ADAD2: variants seen among roughly 807,000 people sequenced by gnomAD.
The protein encoded by ADAD2 is adenosine deaminase domain containing 2.
ADAD2 carries 60 observed loss-of-function variants against 54.5 expected under a neutral mutation model. The observed-to-expected ratio is 1.10, with a 90% CI of 0.89 to 1.36. ADAD2 has a LOEUF of 1.36. Ranked by LOEUF, ADAD2 falls within the 40% of genes most tolerant of loss-of-function variation. The pLI is 0.00. For synonymous variants in ADAD2, 543 were observed against 366.2 expected, an observed-to-expected ratio of 1.48 and a Z score of -5.51; for missense variants, 1,103 against 801.3, an observed-to-expected ratio of 1.38 and a Z score of -4.54.
At position 84,196,151 on chromosome 16, in the gene ADAD2, C is replaced by A. The variant is rs957557640; in HGVS notation, c.1307C>A (p.Thr436Asn). Reference sequence around the variant, plus strand: ...GCTGACTCATGCCACGACCCTCCGACTCTGAGCAGGGCCATCCACACCCGG... The same window carrying A: ...GCTGACTCATGCCACGACCCTCCGAATCTGAGCAGGGCCATCCACACCCGG... ...ILADSCHDPP[T>N]LSRAIHTRPC... is the part of the protein sequence containing the mutation. Residue 436 changes from threonine to asparagine, a missense_variant, in exon 8 of 10, where the codon ACT becomes AAT. Physicochemically the swap from Thr to Asn is moderately conservative, Grantham distance 65. Coordinates refer to ENST00000315906, the MANE Select transcript of ADAD2 (RefSeq NM_001145400.2). 2 of 1,604,942 alleles carry A rather than the reference C, an allele frequency of 1.2e-6. No individual in the cohort carries two copies. Among genetic ancestry groups the A allele is most frequent in the African/African-American group, 2.7e-5 (2 of 74,850 alleles).
chr16:84,191,407 C>G lies in ADAD2; in HGVS notation c.177C>G (p.Pro59=), dbSNP rs1392843556. Residue 59 remains proline, a synonymous_variant, in exon 1 of 10, where the codon CCC becomes CCG. Transcript: ENST00000315906. The stretch of plus-strand genomic sequence containing the variant: ...CGTATCGCGCGGAGGGCGGGTGGCC[C>G]CAGGTCTCGGTGTTGAGGGACAGTG... ...PATYRAEGGW[P]QVSVLRDSGP... 8.0e-6 allele frequency: 12 copies of G among 1,494,782 alleles called. No homozygotes were observed. The highest frequency in any genetic ancestry group is 1.1e-5 in the Non-Finnish European group (12 of 1,125,922). 92.6% of individuals were successfully genotyped at this position (1,494,782 alleles called of 1,614,324 possible). A position where few individuals can be genotyped will look rare whatever the true frequency, so the allele number is the denominator to read the frequency against.
intron 1 of ADAD2, 190 bp downstream of exon 1, chr16:84,191,838 A>T: frequency 1.3e-6 from 1 of 799,282 alleles, no homozygotes; most frequent in Non-Finnish European, 2.1e-6. Flanking sequence ...ATCTCCAAGG[A>T]TCACCAGCCA....
chr16:84,191,876 A>T, intron 1 of ADAD2: 4 of 669,854 alleles, frequency 6.0e-6, no homozygotes, highest in Non-Finnish European at 1.1e-5. Flanking sequence ...TGAAAGAGTC[A>T]TGGCAGGTGA....
At chr16:84,191,908 C>T (rs1380438513) in intron 1 of ADAD2, 1 of 601,498 alleles carries the variant, frequency 1.7e-6, no homozygotes, top group Non-Finnish European at 3.0e-6. Context: ...ACCTGACTTC[C>T]AGGGAGGTTA....
chr16:84,194,561 C>A lies in ADAD2; in HGVS notation c.538C>A (p.Arg180=). 6.2e-7 allele frequency: 1 copy of A among 1,607,086 alleles called. No homozygotes were observed. The highest frequency in any genetic ancestry group is 1.3e-5 in the African/African-American group (1 of 74,908). Reference sequence around the variant, plus strand: ...AGCGCTCTCTGCCCTCTGCTACATCCGGAGTCAGCTGGAGAACCCAGGTAA... The same window carrying A: ...AGCGCTCTCTGCCCTCTGCTACATCAGGAGTCAGCTGGAGAACCCAGGTAA... The part of the protein sequence containing the change: ...QAALSALCYI[R]SQLENPESPQ... The change falls in exon 2 of 10, where the codon CGG becomes AGG. Residue 180 remains arginine, a synonymous_variant. Transcript: ENST00000315906.
Position 84,195,387 on chromosome 16 carries a change from C to G in ADAD2, c.825C>G (p.Phe275Leu). The G allele has an allele frequency of 6.2e-7, 1 of 1,608,876 alleles. No homozygotes were observed. Among genetic ancestry groups the G allele is most frequent in the East Asian group, 2.2e-5 (1 of 44,788 alleles). ...GSSCCAGWLE[F>L]SGQQLHDCHG... ...GCTGCTGTGCTGGCTGGCTGGAGTT[C>G]TCGGGCCAGCAGCTCCACGACTGCC... The change falls in exon 5 of 10, where the codon TTC (phenylalanine) becomes TTG (leucine). Residue 275 changes from phenylalanine (F) to leucine (L), a missense_variant. Physicochemically the swap from Phe to Leu is conservative, Grantham distance 22. Transcript: ENST00000315906.
rs754051500 is a variant in ADAD2 at position 84,195,845 on chromosome 16, G to T, written c.1083G>T (p.Pro361=). ...CCCCCACCTCGGAAGGTGGCCTCCC[G>T]CACAGCCCACCCATGCGCCTGCAGG... ...YLPPTSEGGL[P]HSPPMRLQAH... is the part of the protein sequence containing the mutation. The change falls in exon 7 of 10, where the codon CCG becomes CCT. Residue 361 remains proline (P), a synonymous_variant. Coordinates refer to ENST00000315906, the MANE Select transcript of ADAD2 (RefSeq NM_001145400.2). 5 of 1,606,700 alleles carry T rather than the reference G, an allele frequency of 3.1e-6. No homozygotes were observed. The highest frequency in any genetic ancestry group is 1.3e-5 in the African/African-American group (1 of 74,740).
At position 84,194,441 on chromosome 16, in the gene ADAD2, G is replaced by T; in HGVS notation, c.419-1G>T. 6.2e-7 allele frequency: 1 copy of T among 1,603,450 alleles called. No individual in the cohort carries two copies. The highest frequency in any genetic ancestry group is 1.7e-5 in the Admixed American group (1 of 59,764). On this transcript the variant is annotated splice_acceptor_variant, in intron 1 of 9. Transcript: ENST00000315906. LOFTEE classifies it high-confidence loss of function. ...GCTTCCTCACCTGGCTCCTTCCCCA[G>T]GTCCCTGCTTCCCCTTCTCGGTGAG...
In ADAD2 at chr16:84,196,900, C is replaced by G. The variant is rs745974652; in HGVS notation, c.1678C>G (p.Leu560Val). The change falls in exon 10 of 10, where the codon CTG becomes GTG. Residue 560 changes from leucine to valine, a missense_variant. By Grantham distance (32) the Leu-to-Val change is conservative. Coordinates refer to ENST00000315906, the MANE Select transcript of ADAD2 (RefSeq NM_001145400.2). Reference protein sequence around the residue: ...AGPYQEARRQLSLLLDQQGLG... With the variant: ...AGPYQEARRQVSLLLDQQGLG... The stretch of plus-strand genomic sequence containing the variant: ...GCCCTACCAGGAGGCTCGCAGGCAG[C>G]TGTCTCTCCTCCTGGACCAGCAGGG... 4.4e-6 allele frequency: 7 copies of G among 1,596,136 alleles called. No individual in the cohort carries two copies. In the African/African-American group the frequency reaches 9.4e-5, roughly 21 times the overall value.
Position 84,194,601 on chromosome 16 carries a change from G to A in ADAD2, c.559+19G>A, listed in dbSNP as rs1212294141. On this transcript the variant is annotated intron_variant, in intron 2 of 9. Transcript: ENST00000315906. ...AACCCAGGTAATGGAGGGAGGGCCA[G>A]GCAGCTGAGCCGCAGCTGGGGACAA... The A allele has an allele frequency of 1.3e-6, 2 of 1,592,928 alleles. No individual in the cohort carries two copies. Among genetic ancestry groups the A allele is most frequent in the Non-Finnish European group, 8.5e-7 (1 of 1,169,600 alleles).
At position 84,191,375 on chromosome 16, in the gene ADAD2, C is replaced by T; in HGVS notation, c.145C>T (p.Pro49Ser). 1 of 1,527,286 alleles carries T rather than the reference C, an allele frequency of 6.5e-7. No individual in the cohort carries two copies. Among genetic ancestry groups the T allele is most frequent in the Non-Finnish European group, 8.8e-7 (1 of 1,142,388 alleles). The allele number at this position is 1,527,286 out of a possible 1,614,324, so 94.6% of individuals were successfully genotyped here. A position where few individuals can be genotyped will look rare whatever the true frequency, so the allele number is the denominator to read the frequency against. The part of the protein sequence containing the change: ...AQSAWGPAPA[P>S]ATYRAEGGWP... ...AAGTGCCTGGGGGCCCGCGCCCGCG[C>T]CCGCGACGTATCGCGCGGAGGGCGG... The change falls in exon 1 of 10, where the codon CCC (proline) becomes TCC (serine). Residue 49 changes from proline (P) to serine (S), a missense_variant. Transcript: ENST00000315906.
In ADAD2 at chr16:84,196,198, G is replaced by T. The variant is rs759513459; in HGVS notation, c.1354G>T (p.Gly452Trp). ...HTRPCLDSVL[G>W]PCLPPPYVRT... Reference sequence around the variant, plus strand: ...CCGGCCCTGCCTGGACAGTGTCCTGGGGCCATGCCTGCCACCTCCCTACGT... The same window carrying T: ...CCGGCCCTGCCTGGACAGTGTCCTGTGGCCATGCCTGCCACCTCCCTACGT... The change falls in exon 8 of 10, where the codon GGG becomes TGG. Residue 452 changes from glycine (G) to tryptophan (W), a missense_variant. Physicochemically the swap from Gly to Trp is radical, Grantham distance 184 (BLOSUM62 -2). Coordinates refer to ENST00000315906, the MANE Select transcript of ADAD2 (RefSeq NM_001145400.2). The T allele has an allele frequency of 2.5e-6, 4 of 1,609,644 alleles. No individual in the cohort carries two copies. Among genetic ancestry groups the T allele is most frequent in the Non-Finnish European group, 3.4e-6 (4 of 1,179,896 alleles).
intron 1 of ADAD2, chr16:84,193,618 G>A (rs1464379599): frequency 6.1e-6 from 1 of 165,066 alleles, no homozygotes; most frequent in Non-Finnish European, 1.3e-5. Context: ...TCCAGGGGAG[G>A]CATTTGGAGA....
At chr16:84,194,413 G>C (rs766074151) in intron 1 of ADAD2, 29 bp from the exon 2 acceptor site, 45 of 1,595,640 alleles carry the variant, frequency 2.8e-5, no homozygotes, top group Non-Finnish European at 3.3e-5. Flanking sequence ...AGGCCAGGGG[G>C]CTGCTTCCTC....
At chr16:84,196,616 C>T in intron 8 of ADAD2, 31 bp from the exon 9 acceptor site, 2 of 1,607,724 alleles carry the variant, frequency 1.2e-6, no homozygotes, top group Non-Finnish European at 1.7e-6. Context: ...TTGTATCTCT[C>T]TGATCTCAGT....
rs143354458 is a variant in ADAD2, at chr16:84,196,162, G to A, written c.1318G>A (p.Ala440Thr). Residue 440 changes from alanine to threonine, a missense_variant, in exon 8 of 10, where the codon GCC becomes ACC. Ala to Thr is a moderately conservative substitution (Grantham distance 58). Coordinates refer to ENST00000315906, the MANE Select transcript of ADAD2 (RefSeq NM_001145400.2). ...CCACGACCCTCCGACTCTGAGCAGG[G>A]CCATCCACACCCGGCCCTGCCTGGA... is the stretch of plus-strand genomic sequence containing the variant. ...SCHDPPTLSR[A>T]IHTRPCLDSV... The A allele has an allele frequency of 1.1e-4, 172 of 1,605,738 alleles. No homozygotes were observed. In the African/African-American group the frequency reaches 1.7e-3, roughly 16 times the overall value.
intron 1 of ADAD2, chr16:84,194,192 A>C (rs1465736236): frequency 1.3e-6 from 2 of 1,581,646 alleles, no homozygotes; most frequent in South Asian, 2.3e-5. Flanking sequence ...TGTGAAATGG[A>C]GTCACGCATC....
intron 7 of ADAD2, 40 bp from the exon 8 acceptor site, chr16:84,196,087 G>T (rs749295764): frequency 6.3e-7 from 1 of 1,599,696 alleles, no homozygotes; most frequent in East Asian, 2.2e-5. Flanking sequence ...AGGGAGGGCA[G>T]GGAGGTCACT....
At chr16:84,194,283 G>C in intron 1 of ADAD2, 159 bp from the exon 2 acceptor site, 2 of 1,549,180 alleles carry the variant, frequency 1.3e-6, no homozygotes, top group Non-Finnish European at 1.7e-6. Context: ...GGGTGTGCGC[G>C]GCATGGGGTG....
Sources: gnomAD v4.1 joint callset for allele counts on GRCh38, gnomAD v4.1.1 for gene constraint, MANE v1.5 for transcripts, NCBI Gene and HGNC (gene_info 2026-07-23, HGNC 2026-07-21) for gene names.